Variants in PPME1 observed in about 807,000 individuals in gnomAD.
PPME1 encodes testicular secretory protein Li 39.
Under a neutral mutation model 56.9 loss-of-function variants are expected in PPME1, and 17 were observed. The ratio of observed to expected loss-of-function variants is 0.30; its 90% CI spans 0.20 to 0.45. The LOEUF (loss-of-function observed/expected upper bound fraction) is 0.45. PPME1 is among the 20% of genes least tolerant of loss of function. The probability of loss-of-function intolerance (pLI) is 1.00; values close to 1 mark genes in which losing one functional copy is unlikely to be tolerated. For missense variants in PPME1, 357 were observed against 483.2 expected (o/e 0.74, Z 2.45); for synonymous variants, 122 against 156.2 (o/e 0.78, Z 1.63).
chr11:74,206,246 A>G (rs564440233), intron 3 of PPME1, among the ~76,000 whole-genome samples: 2 of 152,270 alleles, frequency 1.3e-5, no homozygotes, highest in East Asian at 3.9e-4. Flanking sequence ...GAATCTTGCT[A>G]TGTTGCCCAG....
At chr11:74,206,228 A>G (rs540945966) in intron 3 of PPME1, among the ~76,000 whole-genome samples, 77 of 152,278 alleles carry the variant, frequency 5.1e-4, no homozygotes, top group African/African-American at 1.8e-3. Context: ...TTTATTTTTT[A>G]AGAGATGGAA....
chr11:74,187,822 G>T (rs771338949), intron 1 of PPME1, among the ~76,000 whole-genome samples: 8 of 152,212 alleles, frequency 5.3e-5, no homozygotes, highest in Non-Finnish European at 1.0e-4. Flanking sequence ...ATTTTACATG[G>T]CAGAGAGGAA....
chr11:74,174,657 A>G (rs1857364171), intron 1 of PPME1, among the ~76,000 whole-genome samples: 1 of 152,208 alleles, frequency 6.6e-6, no homozygotes, highest in South Asian at 2.1e-4. Flanking sequence ...ATGAGTTTCC[A>G]TAATTCAGTT....
At chr11:74,240,628 A>C (rs1859331955) in intron 9 of PPME1, among the ~76,000 whole-genome samples, 1 of 152,190 alleles carries the variant, frequency 6.6e-6, no homozygotes, top group Admixed American at 6.5e-5. Context: ...CATCTTTAAA[A>C]CAGTGATCAG....
chr11:74,183,379 A>G (rs1021083377), intron 1 of PPME1, among the ~76,000 whole-genome samples: 4 of 152,202 alleles, frequency 2.6e-5, no homozygotes, highest in Non-Finnish European at 4.4e-5. Flanking sequence ...GTTATATGAA[A>G]CATTCCATCA....
chr11:74,217,541 C>CAAAAAAAA (rs61139169), intron 3 of PPME1, among the ~76,000 whole-genome samples: 4 of 79,030 alleles, frequency 5.1e-5, no homozygotes, highest in African/African-American at 9.4e-5. Flanking sequence ...GACTCCGTCT[C>CAAAAAAAA]AAAAAAAAAA....
chr11:74,206,831 T>C (rs1394590308), intron 3 of PPME1, among the ~76,000 whole-genome samples: 1 of 147,196 alleles, frequency 6.8e-6, no homozygotes, highest in Non-Finnish European at 1.5e-5. Context: ...CCTTGCAAAG[T>C]GCTGAGAATA....
chr11:74,186,679 G>C (rs1857691383), intron 1 of PPME1, among the ~76,000 whole-genome samples: 1 of 152,144 alleles, frequency 6.6e-6, no homozygotes, highest in Non-Finnish European at 1.5e-5. Context: ...GAAGAGTAGG[G>C]ATATAAGATG....
At chr11:74,235,850 G>A in intron 7 of PPME1, 51 bp from the exon 8 acceptor site, 2 of 1,570,700 alleles carry the variant, frequency 1.3e-6, no homozygotes, top group South Asian at 1.2e-5. Context: ...CCAATGATGT[G>A]ATACAATAGA....
chr11:74,246,995 C>A, intron 10 of PPME1, 84 bp from the exon 11 acceptor site: 1 of 1,137,458 alleles, frequency 8.8e-7, no homozygotes, highest in South Asian at 1.3e-5. Context: ...TGGAGAATGT[C>A]ATCATATTTA....
At chr11:74,187,886 G>T (rs1456535174) in intron 1 of PPME1, among the ~76,000 whole-genome samples, 1 of 152,194 alleles carries the variant, frequency 6.6e-6, no homozygotes, top group Non-Finnish European at 1.5e-5. Context: ...AAAATAAAGA[G>T]AATATCATGG....
intron 1 of PPME1, among the ~76,000 whole-genome samples, chr11:74,174,090 G>T (rs1177863983): frequency 6.6e-6 from 1 of 152,000 alleles, no homozygotes; most frequent in Non-Finnish European, 1.5e-5. Context: ...TTTCTCCTTA[G>T]AATCATAAAG....
chr11:74,225,304 T>G (rs370451686), intron 5 of PPME1, 48 bp downstream of exon 5: 4 of 1,292,262 alleles, frequency 3.1e-6, no homozygotes, highest in Non-Finnish European at 4.3e-6. Context: ...CCATCACTAT[T>G]ATAAATAGTA....
chr11:74,238,931 C>T lies in PPME1; in HGVS notation c.711-202C>T, dbSNP rs189591427. The T allele has an allele frequency of 1.2e-5, 6 of 515,090 alleles. No individual in the cohort carries two copies. In the Admixed American group the frequency reaches 1.7e-4, roughly 14 times the overall value. The allele number at this position is 515,090 out of a possible 1,614,324, so 31.9% of individuals were successfully genotyped here. A position where few individuals can be genotyped will look rare whatever the true frequency, so the allele number is the denominator to read the frequency against. On this transcript the variant is annotated intron_variant, in intron 8 of 13. Coordinates refer to ENST00000328257, the MANE Select transcript of PPME1 (RefSeq NM_016147.3). Reference sequence around the variant, plus strand: ...CTATGGGTCAGTATTGGTGCAAGAACTGGAAACCAGCCCTTGGAGAATAGT... The same window carrying T: ...CTATGGGTCAGTATTGGTGCAAGAATTGGAAACCAGCCCTTGGAGAATAGT...
At chr11:74,186,293 A>G (rs1026029065) in intron 1 of PPME1, among the ~76,000 whole-genome samples, 2 of 152,070 alleles carry the variant, frequency 1.3e-5, no homozygotes, top group African/African-American at 4.8e-5. Context: ...ATGGTGCTCA[A>G]CCTTGCTACA....
intron 7 of PPME1, among the ~76,000 whole-genome samples, chr11:74,233,721 C>A (rs934714541): frequency 6.6e-6 from 1 of 152,102 alleles, no homozygotes; most frequent in Non-Finnish European, 1.5e-5. Context: ...ACTCAGGAGG[C>A]TGAGGTGGGA....
chr11:74,180,286 CT>C (rs1857498039), intron 1 of PPME1, among the ~76,000 whole-genome samples: 3 of 152,160 alleles, frequency 2.0e-5, no homozygotes, highest in African/African-American at 7.2e-5. Flanking sequence ...TATTGGTCAA[CT>C]GTGTATTCCT....
intron 13 of PPME1, chr11:74,252,425 A>G (rs1565398645): frequency 6.6e-6 from 3 of 454,598 alleles, no homozygotes; most frequent in Non-Finnish European, 1.3e-5. Context: ...AGTGTTGCAC[A>G]GTGTCTTCCC....
intron 1 of PPME1, among the ~76,000 whole-genome samples, chr11:74,177,269 T>A (rs1857422513): frequency 6.6e-6 from 1 of 152,122 alleles, no homozygotes; most frequent in South Asian, 2.1e-4. Flanking sequence ...GAGACCAGCC[T>A]GGACAACATG....
Sources: gnomAD v4.1 joint callset for allele counts (sites outside exome capture counted in the v4.1 genomes callset) on GRCh38, gnomAD v4.1.1 for gene constraint, MANE v1.5 for transcripts, NCBI Gene and HGNC (gene_info 2026-07-23, HGNC 2026-07-21) for gene names.